VIPR2: variants seen among roughly 807,000 people sequenced by gnomAD.
VIPR2 encodes vasoactive intestinal polypeptide receptor 2.
Under a neutral mutation model 58.0 loss-of-function variants are expected in VIPR2, and 48 were observed. The ratio of observed to expected loss-of-function variants is 0.83; its 90% CI spans 0.66 to 1.05. The LOEUF (loss-of-function observed/expected upper bound fraction) is 1.05. Among genes scored for constraint, VIPR2 ranks in the 50% least tolerant of loss-of-function variants. The pLI is 0.00. For missense variants in VIPR2, 534 were observed against 558.0 expected (o/e 0.96, Z 0.43); for synonymous variants, 243 against 235.2 (o/e 1.03, Z -0.30).
At chr7:159,067,062 C>T (rs1261973983) in intron 4 of VIPR2, among the ~76,000 whole-genome samples, 1 of 152,182 alleles carries the variant, frequency 6.6e-6, no homozygotes, top group East Asian at 1.9e-4. Flanking sequence ...ACGCCAGTGA[C>T]TCAGTTGCAC....
intron 4 of VIPR2, among the ~76,000 whole-genome samples, chr7:159,088,060 C>T (rs1320431668): frequency 6.6e-6 from 1 of 152,250 alleles, no homozygotes; most frequent in Admixed American, 6.5e-5. Flanking sequence ...CACCCGACCC[C>T]TGAAGGCACT....
intron 4 of VIPR2, among the ~76,000 whole-genome samples, chr7:159,092,737 G>A (rs1180304385): frequency 2.1e-4 from 32 of 149,340 alleles, no homozygotes; most frequent in Admixed American, 2.0e-4. Flanking sequence ...TGCAAGCTCC[G>A]CCTCCCGGGT....
intron 1 of VIPR2, 117 bp downstream of exon 1, chr7:159,144,597 TCCCGGAC>T (rs1563365012): frequency 3.6e-6 from 5 of 1,370,094 alleles, no homozygotes; most frequent in Non-Finnish European, 4.8e-6. Flanking sequence ...CCGCTCCCTC[TCCCGGAC>T]CCCGCCCGCG....
intron 2 of VIPR2, chr7:159,117,215 C>A: frequency 1.5e-6 from 1 of 669,888 alleles, no homozygotes. Context: ...CCTAGAAGGT[C>A]CCTTGCCATC....
intron 4 of VIPR2, among the ~76,000 whole-genome samples, chr7:159,074,500 G>A (rs1415665243): frequency 3.9e-5 from 6 of 152,140 alleles, no homozygotes; most frequent in African/African-American, 7.2e-5. Context: ...TGGGAGCATC[G>A]TGAGAGGAAA....
intron 6 of VIPR2, among the ~76,000 whole-genome samples, chr7:159,037,106 C>A (rs141910017): frequency 3.9e-5 from 6 of 152,174 alleles, no homozygotes; most frequent in Non-Finnish European, 8.8e-5. Context: ...CCTTTGTATC[C>A]GCGGCTCCAG....
intron 2 of VIPR2, among the ~76,000 whole-genome samples, chr7:159,111,096 A>C (rs987284565): frequency 1.1e-4 from 16 of 152,332 alleles, no homozygotes; most frequent in African/African-American, 3.8e-4. Flanking sequence ...CCCCCGTGTA[A>C]GGCTGCTTAG....
At chr7:159,062,764 CG>C (rs1308320033) in intron 4 of VIPR2, among the ~76,000 whole-genome samples, 1 of 152,196 alleles carries the variant, frequency 6.6e-6, no homozygotes, top group African/African-American at 2.4e-5. Context: ...CTACAGGCTC[CG>C]GCCGCCTGCT....
chr7:159,144,128 C>T (rs1366334630), intron 1 of VIPR2, among the ~76,000 whole-genome samples: 1 of 151,660 alleles, frequency 6.6e-6, no homozygotes, highest in African/African-American at 2.4e-5. Flanking sequence ...TTTTTCTTTC[C>T]TTTTTTTTTA....
intron 6 of VIPR2, among the ~76,000 whole-genome samples, chr7:159,039,956 C>T (rs1420261862): frequency 2.6e-5 from 4 of 152,196 alleles, no homozygotes; most frequent in Admixed American, 6.5e-5. Flanking sequence ...GACCGTGTGC[C>T]GCCTGAAAGC....
chr7:159,062,856 G>A (rs1345702491), intron 4 of VIPR2, among the ~76,000 whole-genome samples: 3 of 136,990 alleles, frequency 2.2e-5, no homozygotes, highest in African/African-American at 7.9e-5. Context: ...TTTACTGAGA[G>A]CTGATTGGTC....
intron 4 of VIPR2, among the ~76,000 whole-genome samples, chr7:159,079,393 G>C (rs1342474479): frequency 3.3e-5 from 5 of 152,058 alleles, no homozygotes; most frequent in Non-Finnish European, 1.5e-5. Flanking sequence ...CGAAATGAAG[G>C]CAGAAATAAA....
intron 2 of VIPR2, among the ~76,000 whole-genome samples, chr7:159,118,054 G>C (rs73730169): frequency 0.019 from 2,899 of 152,248 alleles, 97 homozygotes; most frequent in African/African-American, 0.065. Context: ...GGTTCTCACG[G>C]GGAGCTCAGA....
intron 5 of VIPR2, among the ~76,000 whole-genome samples, chr7:159,057,562 A>G (rs568814604): frequency 6.6e-6 from 1 of 152,292 alleles, no homozygotes; most frequent in Non-Finnish European, 1.5e-5. Context: ...GAAATATTCC[A>G]TTTATCATTG....
Position 159,031,609 on chromosome 7 carries a change from T to C in VIPR2, c.1143+219A>G, listed in dbSNP as rs1171462119. 1 of 984,580 alleles carries C rather than the reference T, an allele frequency of 1.0e-6. No individual in the cohort carries two copies. Among genetic ancestry groups the C allele is most frequent in the Non-Finnish European group, 1.2e-6 (1 of 829,752 alleles). 61.0% of individuals were successfully genotyped at this position (984,580 alleles called of 1,614,324 possible). A position where few individuals can be genotyped will look rare whatever the true frequency, so the allele number is the denominator to read the frequency against. Reference sequence around the variant, plus strand: ...GGACGGCAGTCGATGCTACTTAGGGTGGACGGAAGGACGGCGGGGTTTGGA... The same window carrying C: ...GGACGGCAGTCGATGCTACTTAGGGCGGACGGAAGGACGGCGGGGTTTGGA... On this transcript the variant is annotated intron_variant, in intron 12 of 12. Transcript: ENST00000262178. This position sits in a 1 kb window ranked among gnomAD's most constrained non-coding sequence, Gnocchi z 4.0.
At chr7:159,080,279 G>A (rs553775602) in intron 4 of VIPR2, among the ~76,000 whole-genome samples, 1 of 152,276 alleles carries the variant, frequency 6.6e-6, no homozygotes, top group East Asian at 1.9e-4. Context: ...ATGATAAAGT[G>A]GGCTTCATCC....
intron 6 of VIPR2, among the ~76,000 whole-genome samples, chr7:159,041,476 A>G (rs1158891326): frequency 8.1e-6 from 1 of 123,340 alleles, no homozygotes; most frequent in Non-Finnish European, 1.7e-5. Flanking sequence ...GTTGCGGGTC[A>G]CTGCTTTCCA....
At chr7:159,060,589 C>G (rs1431527624) in intron 4 of VIPR2, among the ~76,000 whole-genome samples, 1 of 151,740 alleles carries the variant, frequency 6.6e-6, no homozygotes, top group African/African-American at 2.4e-5. Context: ...CTCACTTTAT[C>G]TAGCCACCAC....
At chr7:159,086,415 T>G (rs1176049817) in intron 4 of VIPR2, among the ~76,000 whole-genome samples, 2 of 152,154 alleles carry the variant, frequency 1.3e-5, no homozygotes, top group African/African-American at 4.8e-5. Flanking sequence ...GAATCTGAGG[T>G]AAGCTGAAAA....
Sources: gnomAD v4.1 joint callset for allele counts (sites outside exome capture counted in the v4.1 genomes callset) on GRCh38, gnomAD v4.1.1 for gene constraint, Gnocchi (gnomAD v3.1) non-coding constraint, MANE v1.5 for transcripts, NCBI Gene and HGNC (gene_info 2026-07-23, HGNC 2026-07-21) for gene names.